BCL9: variants seen among roughly 807,000 people sequenced by gnomAD.
BCL9 encodes the protein B-cell CLL/lymphoma 9 protein.
Under a neutral mutation model 88.5 loss-of-function variants are expected in BCL9, and 25 were observed. The observed-to-expected ratio is 0.28, with a 90% CI of 0.21 to 0.39. The LOEUF is 0.39. BCL9 is among the 10% of genes least tolerant of loss of function. The pLI is 1.00. For synonymous variants in BCL9, 711 were observed against 673.3 expected (o/e 1.06, Z -0.87); for missense variants, 1,817 against 1,877.8 (o/e 0.97, Z 0.60).
chr1:147,608,291 C>T (rs1304428749), intron 3 of BCL9, among the ~76,000 whole-genome samples: 1 of 142,596 alleles, frequency 7.0e-6, no homozygotes, highest in Non-Finnish European at 1.5e-5. Flanking sequence ...AAATTTGGCT[C>T]TAAGGGGTAA....
chr1:147,620,742 C>G lies in BCL9; in HGVS notation c.2587C>G (p.Leu863Val), dbSNP rs377127527. ...GGTGCATTCCCCAGGCATTAACCCTCTGAAGTCTCCCACGATGCACCAAGT... is the reference window on the plus strand; with the variant it reads ...GGTGCATTCCCCAGGCATTAACCCTGTGAAGTCTCCCACGATGCACCAAGT... ...SQVHSPGINP[L>V]KSPTMHQVQS... The change falls in exon 8 of 10, where the codon CTG becomes GTG. Residue 863 changes from leucine to valine, a missense_variant. Leu to Val is a conservative substitution (Grantham distance 32). Transcript: ENST00000234739. 1.2e-6 allele frequency: 2 copies of G among 1,614,160 alleles called. No homozygotes were observed. Among genetic ancestry groups the G allele is most frequent in the Non-Finnish European group, 1.7e-6 (2 of 1,180,038 alleles).
intron 7 of BCL9, 92 bp from the exon 8 acceptor site, chr1:147,618,724 C>A: frequency 8.0e-7 from 1 of 1,251,446 alleles, no homozygotes; most frequent in Non-Finnish European, 1.1e-6. Flanking sequence ...ATTTATGTGC[C>A]TGGGGACAAT....
intron 1 of BCL9, among the ~76,000 whole-genome samples, chr1:147,562,766 T>C (rs1655434953): frequency 6.6e-6 from 1 of 152,098 alleles, no homozygotes; most frequent in Non-Finnish European, 1.5e-5. Context: ...TACTTAGGAG[T>C]GTGGACGGGG....
At chr1:147,598,448 G>A (rs1470867494) in intron 1 of BCL9, among the ~76,000 whole-genome samples, 1 of 152,212 alleles carries the variant, frequency 6.6e-6, no homozygotes, top group African/African-American at 2.4e-5. Context: ...CAGTTAAAGA[G>A]TTTTAAATGA....
At chr1:147,623,137 A>G (rs782333472) in intron 9 of BCL9, among the ~76,000 whole-genome samples, 1 of 152,116 alleles carries the variant, frequency 6.6e-6, no homozygotes, top group Non-Finnish European at 1.5e-5. Context: ...TTCAGCCATG[A>G]GTTTCTGGTT....
intron 1 of BCL9, among the ~76,000 whole-genome samples, chr1:147,567,535 C>T (rs587645367): frequency 8.5e-5 from 13 of 152,110 alleles, no homozygotes; most frequent in South Asian, 2.1e-4. Context: ...ATTTTTAAGT[C>T]GAGCAAAAGC....
At chr1:147,618,753 G>A (rs2101618643) in intron 7 of BCL9, 63 bp from the exon 8 acceptor site, 1 of 1,399,502 alleles carries the variant, frequency 7.1e-7, no homozygotes, top group Non-Finnish European at 9.5e-7. Flanking sequence ...AACATATCTT[G>A]CTCTTTTAAT....
At chr1:147,572,951 T>G (rs1655948916) in intron 1 of BCL9, among the ~76,000 whole-genome samples, 1 of 152,206 alleles carries the variant, frequency 6.6e-6, no homozygotes, top group African/African-American at 2.4e-5. Flanking sequence ...TCATTTTTGT[T>G]TCTCCGGATG....
At chr1:147,543,398 G>T in intron 1 of BCL9, among the ~76,000 whole-genome samples, 1 of 152,224 alleles carries the variant, frequency 6.6e-6, no homozygotes, top group South Asian at 2.1e-4. Flanking sequence ...GAAGCAAAGG[G>T]CCAGCCCTGG....
chr1:147,619,897 C>G lies in BCL9; in HGVS notation c.1742C>G (p.Pro581Arg). ...SEMEGPNVPN[P>R]ASRPGLSGVS... ...ATGGAAGGGCCGAATGTCCCCAACC[C>G]TGCATCTAGACCAGGTCTTTCTGGA... is the stretch of plus-strand genomic sequence containing the variant. Residue 581 changes from proline to arginine, a missense_variant, in exon 8 of 10, where the codon CCT (proline) becomes CGT (arginine). Coordinates refer to ENST00000234739, the MANE Select transcript of BCL9 (RefSeq NM_004326.4). The surrounding 1 kb of genome is among the most constrained non-coding windows in gnomAD (Gnocchi z 4.1). The G allele has an allele frequency of 1.2e-6, 2 of 1,614,218 alleles. No individual in the cohort carries two copies. Among genetic ancestry groups the G allele is most frequent in the Non-Finnish European group, 1.7e-6 (2 of 1,180,040 alleles).
Position 147,542,476 on chromosome 1 carries a change from G to A in BCL9, c.-478+802G>A, listed in dbSNP as rs587621416. The stretch of plus-strand genomic sequence containing the variant: ...CAGAACAGATCACTGTGTCTGAAAC[G>A]CGTGGAGAAATCGTCAGCTAGAGAT... On this transcript the variant is annotated intron_variant, in intron 1 of 9. Transcript: ENST00000234739. Among the ~76,000 whole-genome samples, 4 of 152,336 alleles carry A rather than the reference G, an allele frequency of 2.6e-5. No homozygotes were observed. In the East Asian group the frequency reaches 7.7e-4, roughly 29 times the overall value.
intron 1 of BCL9, among the ~76,000 whole-genome samples, chr1:147,573,633 T>C (rs1269577098): frequency 6.6e-6 from 1 of 152,222 alleles, no homozygotes; most frequent in Non-Finnish European, 1.5e-5. Context: ...TGTTTTGTTT[T>C]GTTTTAAATT....
chr1:147,620,880 CCT>C lies in BCL9; in HGVS notation c.2726_2727del (p.Pro909ArgfsTer42), dbSNP rs35292683. The C allele has an allele frequency of 3.7e-6, 6 of 1,614,032 alleles. No homozygotes were observed. The highest frequency in any genetic ancestry group is 2.2e-5 in the East Asian group (1 of 44,896). On this transcript the variant is annotated frameshift_variant, in exon 8 of 10. Coordinates refer to ENST00000234739, the MANE Select transcript of BCL9 (RefSeq NM_004326.4). LOFTEE classifies it high-confidence loss of function. Reference sequence around the variant, plus strand: ...TGCTGCTGCTTCCATTAAGTCCCCCCCTGTTTTGGGGTCTGCTGCTGCTTCAC... The same window carrying C: ...TGCTGCTGCTTCCATTAAGTCCCCCCGTTTTGGGGTCTGCTGCTGCTTCAC... ...PAAAASIKSP[P>X]VLGSAAASPV...
intron 1 of BCL9, among the ~76,000 whole-genome samples, chr1:147,565,023 A>G (rs1655541223): frequency 6.6e-6 from 1 of 152,312 alleles, no homozygotes; most frequent in South Asian, 2.1e-4. Flanking sequence ...CAGTGCAGAT[A>G]GAGAACATTT....
At chr1:147,602,515 G>A (rs1307156567) in intron 1 of BCL9, among the ~76,000 whole-genome samples, 2 of 152,142 alleles carry the variant, frequency 1.3e-5, no homozygotes, top group African/African-American at 4.8e-5. Flanking sequence ...TGGCCTAGAA[G>A]AGAAATTTTA....
intron 1 of BCL9, among the ~76,000 whole-genome samples, chr1:147,580,735 C>T (rs1480650369): frequency 6.6e-6 from 1 of 152,120 alleles, no homozygotes; most frequent in African/African-American, 2.4e-5. Flanking sequence ...CTTAATTTTC[C>T]TTTGTTTTCC....
chr1:147,549,741 A>T (rs902622324), intron 1 of BCL9, among the ~76,000 whole-genome samples: 62 of 152,220 alleles, frequency 4.1e-4, no homozygotes, highest in African/African-American at 1.5e-3. Flanking sequence ...AGAGCCTGCA[A>T]TCAAGACTCG....
chr1:147,623,055 C>T (rs1399043856), intron 9 of BCL9, among the ~76,000 whole-genome samples: 1 of 151,970 alleles, frequency 6.6e-6, no homozygotes, highest in Non-Finnish European at 1.5e-5. Flanking sequence ...CACCCCTCAC[C>T]TCGACTCCTG....
chr1:147,579,693 C>T (rs1541187), intron 1 of BCL9, among the ~76,000 whole-genome samples: 25,883 of 152,122 alleles, frequency 0.17, 2,741 homozygotes, highest in Admixed American at 0.28. Flanking sequence ...TTTCCTTGCA[C>T]GTAATGAGAG....
Sources: allele counts gnomAD v4.1 joint callset (sites outside exome capture counted in the v4.1 genomes callset), GRCh38; gene constraint gnomAD v4.1.1; non-coding constraint Gnocchi (gnomAD v3.1); transcripts MANE v1.5; gene names NCBI Gene and HGNC (gene_info 2026-07-23, HGNC 2026-07-21).